MEDAG: variants seen among roughly 807,000 people sequenced by gnomAD.
MEDAG encodes the protein mesenteric estrogen-dependent adipogenesis protein.
Under a neutral mutation model 29.9 loss-of-function variants are expected in MEDAG, and 25 were observed. That is an observed-to-expected ratio of 0.84 (90% CI 0.61 to 1.17). The LOEUF (loss-of-function observed/expected upper bound fraction) is 1.17. Among genes scored for constraint, MEDAG ranks in the 50% most tolerant of loss-of-function variants. MEDAG has a pLI of 0.00. For synonymous variants in MEDAG, 158 were observed against 148.2 expected (o/e 1.07, Z -0.48); for missense variants, 398 against 372.9 (o/e 1.07, Z -0.56).
chr13:30,915,580 C>T (rs1048618751), intron 1 of MEDAG, among the ~76,000 whole-genome samples: 1 of 152,100 alleles, frequency 6.6e-6, no homozygotes, highest in Non-Finnish European at 1.5e-5. Flanking sequence ...TCTCTAGTAA[C>T]TTTTGGCAGT....
Position 30,906,421 on chromosome 13 carries a change from C to A in MEDAG, c.-95C>A, listed in dbSNP as rs1952828999. On this transcript the variant is annotated 5_prime_UTR_variant, in exon 1 of 5. Transcript: ENST00000380482. ...TCACCTCGCGCGCGGCTGACGCAGGCAGGGCGCCCGGCCCCTCCTGGGGAC... is the reference window on the plus strand; with the variant it reads ...TCACCTCGCGCGCGGCTGACGCAGGAAGGGCGCCCGGCCCCTCCTGGGGAC... 1 of 1,293,454 alleles carries A rather than the reference C, an allele frequency of 7.7e-7. No individual in the cohort carries two copies. The highest frequency in any genetic ancestry group is 1.0e-6 in the Non-Finnish European group (1 of 1,003,392). The allele number at this position is 1,293,454 out of a possible 1,614,324, so 80.1% of individuals were successfully genotyped here.
At chr13:30,920,809 A>G (rs1429755282) in intron 2 of MEDAG, among the ~76,000 whole-genome samples, 1 of 152,106 alleles carries the variant, frequency 6.6e-6, no homozygotes, top group Non-Finnish European at 1.5e-5. Context: ...GCAGCCCAGA[A>G]CCTCCTTCAA....
chr13:30,915,183 A>T (rs1320007298), intron 1 of MEDAG, among the ~76,000 whole-genome samples: 1 of 151,856 alleles, frequency 6.6e-6, no homozygotes, highest in Non-Finnish European at 1.5e-5. Flanking sequence ...GTAACAACAT[A>T]CTTCACCTTC....
Position 30,906,591 on chromosome 13 carries a change from T to C in MEDAG, c.76T>C (p.Trp26Arg). Reference protein sequence around the residue: ...SISSGELRSLWTCDCELALLP... With the variant: ...SISSGELRSLRTCDCELALLP... ...CTCGTCTGGGGAGCTTCGCAGCCTGTGGACCTGCGACTGCGAGCTGGCCCT... is the reference window on the plus strand; with the variant it reads ...CTCGTCTGGGGAGCTTCGCAGCCTGCGGACCTGCGACTGCGAGCTGGCCCT... Residue 26 changes from tryptophan (W) to arginine (R), a missense_variant, in exon 1 of 5, where the codon TGG becomes CGG. By Grantham distance (101) the Trp-to-Arg change is moderately radical. Coordinates refer to ENST00000380482, the MANE Select transcript of MEDAG (RefSeq NM_032849.4). 1 of 1,587,628 alleles carries C rather than the reference T, an allele frequency of 6.3e-7. No individual in the cohort carries two copies.
At chr13:30,909,925 A>T (rs1952865586) in intron 1 of MEDAG, among the ~76,000 whole-genome samples, 1 of 152,230 alleles carries the variant, frequency 6.6e-6, no homozygotes, top group African/African-American at 2.4e-5. Flanking sequence ...CCTACTAAGT[A>T]ACCTAAAGAA....
rs779452041 is a variant in MEDAG, at chr13:30,906,548, G to A, written c.33G>A (p.Arg11=). The A allele has an allele frequency of 5.0e-5, 77 of 1,552,762 alleles. No homozygotes were observed. The highest frequency in any genetic ancestry group is 6.3e-5 in the Non-Finnish European group (73 of 1,158,268). ...GGGCGGCCTGCGAGCCGGTGGCCAG[G>A]CCGAGCCTGACCTCCATCTCGTCTG... is the stretch of plus-strand genomic sequence containing the variant. MAGAACEPVA[R]PSLTSISSGE... is the part of the protein sequence containing the mutation. The change falls in exon 1 of 5, where the codon AGG becomes AGA. Residue 11 remains arginine, a synonymous_variant. Coordinates refer to ENST00000380482, the MANE Select transcript of MEDAG (RefSeq NM_032849.4).
intron 1 of MEDAG, chr13:30,916,888 G>A (rs1052743007): frequency 6.5e-6 from 1 of 154,346 alleles, no homozygotes; most frequent in African/African-American, 2.4e-5. Context: ...TAGGAGAGAT[G>A]TGAACTAGTA....
intron 2 of MEDAG, among the ~76,000 whole-genome samples, chr13:30,919,703 G>T (rs892617107): frequency 4.6e-5 from 7 of 152,188 alleles, no homozygotes; most frequent in Admixed American, 1.3e-4. Context: ...TGGACCGAAG[G>T]TTTGTCTCTG....
At chr13:30,919,021 T>A (rs1952956966) in intron 2 of MEDAG, among the ~76,000 whole-genome samples, 1 of 152,182 alleles carries the variant, frequency 6.6e-6, no homozygotes, top group African/African-American at 2.4e-5. Context: ...AACATTTAAA[T>A]GAAAGTATAG....
chr13:30,913,148 T>C (rs1952896724), intron 1 of MEDAG, among the ~76,000 whole-genome samples: 1 of 152,174 alleles, frequency 6.6e-6, no homozygotes, highest in Non-Finnish European at 1.5e-5. Flanking sequence ...AATTAGATCT[T>C]ATTTTGAAAT....
chr13:30,919,621 T>C (rs1952963268), intron 2 of MEDAG, among the ~76,000 whole-genome samples: 1 of 152,188 alleles, frequency 6.6e-6, no homozygotes, highest in Non-Finnish European at 1.5e-5. Context: ...AAGAAAAACA[T>C]GGGTAAGAAA....
chr13:30,913,525 G>A (rs573867960), intron 1 of MEDAG, among the ~76,000 whole-genome samples: 3 of 151,978 alleles, frequency 2.0e-5, no homozygotes, highest in East Asian at 1.9e-4. Flanking sequence ...GAGCCACCAC[G>A]CCCGGCTTTG....
At chr13:30,910,193 A>ACAC (rs1555264548) in intron 1 of MEDAG, among the ~76,000 whole-genome samples, 22 of 149,170 alleles carry the variant, frequency 1.5e-4, no homozygotes, top group Non-Finnish European at 2.5e-4. Flanking sequence ...CACACACACA[A>ACAC]ACACACACAC....
In MEDAG at chr13:30,925,023, A is replaced by T. The variant is rs1484157104; in HGVS notation, c.*588A>T. The T allele has an allele frequency of 6.6e-6, 1 of 152,210 alleles. No individual in the cohort carries two copies. Among genetic ancestry groups the T allele is most frequent in the African/African-American group, 2.4e-5 (1 of 41,446 alleles). The allele number at this position is 152,210 out of a possible 1,614,324, so 9.4% of individuals were successfully genotyped here. ...ACACCTATGAGAAACGTTCACAGTG[A>T]GGAGTAGCCAGGTTGCTAGGACAGT... is the stretch of plus-strand genomic sequence containing the variant. On this transcript the variant is annotated 3_prime_UTR_variant, in exon 5 of 5. Coordinates refer to ENST00000380482, the MANE Select transcript of MEDAG (RefSeq NM_032849.4).
chr13:30,921,983 A>G, intron 4 of MEDAG, 137 bp downstream of exon 4: 3 of 944,514 alleles, frequency 3.2e-6, no homozygotes, highest in Non-Finnish European at 3.0e-6. Flanking sequence ...TCAGAAAGTA[A>G]GAAGTGGGGC....
chr13:30,918,571 G>A (rs560753065), intron 2 of MEDAG, among the ~76,000 whole-genome samples: 26 of 152,322 alleles, frequency 1.7e-4, no homozygotes, highest in African/African-American at 5.8e-4. Context: ...GTATGAAAAT[G>A]TCTCCATTTT....
chr13:30,906,794 G>C lies in MEDAG; in HGVS notation c.278+1G>C. 6.8e-7 allele frequency: 1 copy of C among 1,478,570 alleles called. No homozygotes were observed. Among genetic ancestry groups the C allele is most frequent in the Non-Finnish European group, 8.9e-7 (1 of 1,125,088 alleles). The allele number at this position is 1,478,570 out of a possible 1,614,324, so 91.6% of individuals were successfully genotyped here. The stretch of plus-strand genomic sequence containing the variant: ...ACCGCCTCAGCAGCTACATCAAGAG[G>C]TGGGTGGCCTCGCCGTGCGCCCTGG... On this transcript the variant is annotated splice_donor_variant, in intron 1 of 4. Transcript: ENST00000380482. LOFTEE classifies it high-confidence loss of function.
In MEDAG at chr13:30,921,251, G is replaced by A; in HGVS notation, c.501+125G>A. On this transcript the variant is annotated intron_variant, in intron 3 of 4. Coordinates refer to ENST00000380482, the MANE Select transcript of MEDAG (RefSeq NM_032849.4). ...GAGAATGGCCCTTAGAAAACAAAGT[G>A]CATTCAGACACTTTGTTCTCAAAGG... The A allele has an allele frequency of 7.8e-6, 6 of 766,240 alleles. No homozygotes were observed. In the South Asian group the frequency reaches 1.1e-4, roughly 15 times the overall value. The allele number at this position is 766,240 out of a possible 1,614,324, so 47.5% of individuals were successfully genotyped here. A position where few individuals can be genotyped will look rare whatever the true frequency, so the allele number is the denominator to read the frequency against.
At chr13:30,912,141 CAA>C (rs1457847057) in intron 1 of MEDAG, among the ~76,000 whole-genome samples, 1 of 152,100 alleles carries the variant, frequency 6.6e-6, no homozygotes, top group Non-Finnish European at 1.5e-5. Flanking sequence ...CACTAAGTGT[CAA>C]TAATTCCTTA....
Sources: gnomAD v4.1 joint callset for allele counts (sites outside exome capture counted in the v4.1 genomes callset) on GRCh38, gnomAD v4.1.1 for gene constraint, MANE v1.5 for transcripts, NCBI Gene and HGNC (gene_info 2026-07-23, HGNC 2026-07-21) for gene names.